MARCHF1: variants seen among roughly 807,000 people sequenced by gnomAD.
MARCHF1 encodes the protein membrane associated ring-CH-type finger 1, also known as E3 ubiquitin-protein ligase MARCHF1.
Under a neutral mutation model 54.2 loss-of-function variants are expected in MARCHF1, and 40 were observed. The observed-to-expected ratio is 0.74, with a 90% confidence interval of 0.57 to 0.96. MARCHF1 has a LOEUF of 0.96. MARCHF1 is among the 40% of genes least tolerant of loss of function. The pLI, the probability that MARCHF1 is intolerant of heterozygous loss-of-function variation, is 0.00. For synonymous variants in MARCHF1, 236 were observed against 236.3 expected (o/e 1.00, Z 0.01); for missense variants, 586 against 656.5 (o/e 0.89, Z 1.17).
At chr4:163,915,880 A>C (rs1279980917) in intron 3 of MARCHF1, among the ~76,000 whole-genome samples, 1 of 152,144 alleles carries the variant, frequency 6.6e-6, no homozygotes, top group East Asian at 1.9e-4. Context: ...AGTATGTAAG[A>C]GCTTTCCTTG....
rs559937743 is a variant in MARCHF1, at chr4:164,018,056, T to C, written c.-247-29347A>G. Among the ~76,000 whole-genome samples, 3 of 152,068 alleles carry C rather than the reference T, an allele frequency of 2.0e-5. No individual in the cohort carries two copies. The South Asian group carries it at 6.2e-4, about 32-fold the overall frequency. ...TGCCAGGATAATTCATCAAAAATAATTATATATTTTTTAAACCAAATGATC... is the reference window on the plus strand; with the variant it reads ...TGCCAGGATAATTCATCAAAAATAACTATATATTTTTTAAACCAAATGATC... On this transcript the variant is annotated intron_variant, in intron 2 of 9. Coordinates refer to ENST00000514618, the MANE Select transcript of MARCHF1 (RefSeq NM_001394959.1).
chr4:163,827,437 A>C (rs1054722995), intron 4 of MARCHF1, among the ~76,000 whole-genome samples: 9 of 152,296 alleles, frequency 5.9e-5, no homozygotes, highest in Non-Finnish European at 1.0e-4. Context: ...TTCTTTAAAT[A>C]GCTGGATTAA....
chr4:163,832,919 T>C (rs574383096), intron 4 of MARCHF1, among the ~76,000 whole-genome samples: 60 of 152,168 alleles, frequency 3.9e-4, no homozygotes, highest in Admixed American at 1.4e-3. Context: ...AGGACATGAA[T>C]TCATCATTTT....
chr4:163,870,997 C>T (rs1364184252), intron 3 of MARCHF1, among the ~76,000 whole-genome samples: 1 of 151,850 alleles, frequency 6.6e-6, no homozygotes, highest in Non-Finnish European at 1.5e-5. Flanking sequence ...TTGTATGTTC[C>T]CAACAGCAAG....
chr4:164,176,980 CTATATATA>C lies in MARCHF1; in HGVS notation c.-322-65326_-322-65319del, dbSNP rs71595261. Among the ~76,000 whole-genome samples the C allele has an allele frequency of 4.7e-3, 274 of 58,818 alleles. 7 individuals are homozygous for C. Among genetic ancestry groups the C allele is most frequent in the East Asian group, 7.6e-3 (15 of 1,974 alleles). 38.6% of individuals were successfully genotyped at this position (58,818 alleles called of 152,430 possible). ...TCTCTCTCTCTCTCTCTCTCTCTCT[CTATATATA>C]TATATATATATATATATATATACAA... On this transcript the variant is annotated intron_variant, in intron 1 of 9. Coordinates refer to ENST00000514618, the MANE Select transcript of MARCHF1 (RefSeq NM_001394959.1).
intron 1 of MARCHF1, among the ~76,000 whole-genome samples, chr4:164,382,461 A>G (rs1044393975): frequency 1.2e-4 from 18 of 152,222 alleles, no homozygotes; most frequent in African/African-American, 4.3e-4. Context: ...GAATCTCCTT[A>G]ATGTTCAAGG....
chr4:163,836,885 T>C (rs1365208826), intron 4 of MARCHF1, among the ~76,000 whole-genome samples: 1 of 151,370 alleles, frequency 6.6e-6, no homozygotes, highest in Non-Finnish European at 1.5e-5. Flanking sequence ...TGGAGAAAAA[T>C]TTGAGGAGGT....
At chr4:164,055,054 G>A (rs1754458850) in intron 2 of MARCHF1, 2 of 152,046 alleles carry the variant, frequency 1.3e-5, no homozygotes, top group Non-Finnish European at 2.9e-5. Flanking sequence ...AGCAGGAGGG[G>A]TAAAAAATAA....
intron 3 of MARCHF1, among the ~76,000 whole-genome samples, chr4:163,881,033 T>A (rs6848134): frequency 0.06 from 9,071 of 152,180 alleles, 691 homozygotes; most frequent in East Asian, 0.18. Flanking sequence ...TCTGAGGAGA[T>A]TGGTAAACCA....
intron 2 of MARCHF1, among the ~76,000 whole-genome samples, chr4:163,995,733 G>A (rs1406577504): frequency 6.6e-6 from 1 of 151,996 alleles, no homozygotes; most frequent in Non-Finnish European, 1.5e-5. Context: ...AAATTATAAA[G>A]CACCCTACCA....
At chr4:163,727,537 C>G (rs1745698203) in intron 4 of MARCHF1, among the ~76,000 whole-genome samples, 1 of 151,958 alleles carries the variant, frequency 6.6e-6, no homozygotes, top group South Asian at 2.1e-4. Flanking sequence ...GATCTCCTGA[C>G]CTTGTGATCT....
chr4:164,311,207 A>G (rs1168708594), intron 1 of MARCHF1, among the ~76,000 whole-genome samples: 3 of 152,102 alleles, frequency 2.0e-5, no homozygotes, highest in Non-Finnish European at 2.9e-5. Flanking sequence ...GTACTGATCT[A>G]TTGTTAGGAT....
At chr4:164,262,949 A>G (rs1733507724) in intron 1 of MARCHF1, among the ~76,000 whole-genome samples, 1 of 152,214 alleles carries the variant, frequency 6.6e-6, no homozygotes, top group Non-Finnish European at 1.5e-5. Flanking sequence ...AGGATATAAC[A>G]AGAAAATAAT....
intron 1 of MARCHF1, among the ~76,000 whole-genome samples, chr4:164,123,382 C>T (rs960238184): frequency 7.9e-5 from 12 of 151,948 alleles, no homozygotes; most frequent in Non-Finnish European, 1.8e-4. Context: ...CCCATACTAC[C>T]GAAAGCAATC....
At chr4:163,897,250 A>G (rs1211234103) in intron 3 of MARCHF1, among the ~76,000 whole-genome samples, 1 of 152,096 alleles carries the variant, frequency 6.6e-6, no homozygotes, top group Non-Finnish European at 1.5e-5. Flanking sequence ...GATGTCAACA[A>G]CTTCTTCAAC....
intron 1 of MARCHF1, among the ~76,000 whole-genome samples, chr4:164,206,517 G>A (rs963025181): frequency 3.3e-5 from 5 of 151,934 alleles, no homozygotes; most frequent in Non-Finnish European, 5.9e-5. Flanking sequence ...TTTATTGAAT[G>A]GGCCAAAGTT....
At chr4:164,322,384 G>T (rs1350834614) in intron 1 of MARCHF1, among the ~76,000 whole-genome samples, 2 of 151,894 alleles carry the variant, frequency 1.3e-5, no homozygotes, top group African/African-American at 4.8e-5. Flanking sequence ...CAGTGTGATT[G>T]CTGGATCACA....
chr4:163,769,194 G>A (rs1747078896), intron 4 of MARCHF1, among the ~76,000 whole-genome samples: 1 of 152,058 alleles, frequency 6.6e-6, no homozygotes, highest in African/African-American at 2.4e-5. Flanking sequence ...ATGCCCATAT[G>A]TCTACCTAAG....
intron 1 of MARCHF1, among the ~76,000 whole-genome samples, chr4:164,270,687 C>T (rs2111306783): frequency 6.6e-6 from 1 of 152,254 alleles, no homozygotes; most frequent in South Asian, 2.1e-4. Context: ...GGCAGAAAAA[C>T]ACATTTGATA....
Sources: allele counts gnomAD v4.1 joint callset (sites outside exome capture counted in the v4.1 genomes callset), GRCh38; gene constraint gnomAD v4.1.1; transcripts MANE v1.5; gene names NCBI Gene and HGNC (gene_info 2026-07-23, HGNC 2026-07-21).